The following RGS7 variants were observed in gnomAD, a reference collection of about 807,000 sequenced individuals.
RGS7 encodes the protein regulator of G protein signaling 7.
Under a neutral mutation model 81.1 loss-of-function variants are expected in RGS7, and 27 were observed. The observed-to-expected ratio is 0.33, with a 90% CI of 0.25 to 0.46. RGS7 has a LOEUF of 0.46. RGS7 is among the 20% of genes least tolerant of loss of function. The pLI is 1.00. For synonymous variants in RGS7, 208 were observed against 207.7 expected (o/e 1.00, Z -0.01); for missense variants, 396 against 607.4 (o/e 0.65, Z 3.66).
intron 2 of RGS7, among the ~76,000 whole-genome samples, chr1:241,205,053 T>C (rs539825177): frequency 6.6e-6 from 1 of 150,788 alleles, no homozygotes; most frequent in South Asian, 2.1e-4. Context: ...ATAGAATCCA[T>C]AGATCCCCTA....
At chr1:241,033,843 G>A (rs930942106) in intron 3 of RGS7, among the ~76,000 whole-genome samples, 11 of 152,030 alleles carry the variant, frequency 7.2e-5, no homozygotes, top group African/African-American at 2.7e-4. Context: ...AAAGAAGGGT[G>A]GGAGAAGTTT....
chr1:240,810,977 C>T (rs1360501228), intron 14 of RGS7, among the ~76,000 whole-genome samples: 1 of 152,192 alleles, frequency 6.6e-6, no homozygotes, highest in Admixed American at 6.5e-5. Flanking sequence ...GGTCATTTTG[C>T]TTCATCCATG....
intron 4 of RGS7, among the ~76,000 whole-genome samples, chr1:240,981,531 G>A (rs1320493373): frequency 3.3e-5 from 5 of 152,072 alleles, no homozygotes; most frequent in African/African-American, 1.2e-4. Flanking sequence ...TTTTAGCACT[G>A]GGATTATTTG....
At chr1:241,305,154 C>T (rs542098457) in intron 2 of RGS7, among the ~76,000 whole-genome samples, 78 of 152,248 alleles carry the variant, frequency 5.1e-4, no homozygotes, top group African/African-American at 1.7e-3. Flanking sequence ...GGCTAATTTC[C>T]GTTCCCAAGT....
At chr1:240,815,232 C>T (rs10926361) in intron 11 of RGS7, among the ~76,000 whole-genome samples, 71,183 of 151,570 alleles carry the variant, frequency 0.47, 18,341 homozygotes, top group Non-Finnish European at 0.58. Context: ...GTCCCAGCTA[C>T]TCTGGGGGCT....
rs74150234 is a variant in RGS7, at chr1:241,175,937, T to C, written c.79-77175A>G. The stretch of plus-strand genomic sequence containing the variant: ...AACATTTAAAGAGCAGTGATTCTTT[T>C]TGCAAGTAATTTACATGTAGCATCT... On this transcript the variant is annotated intron_variant, in intron 2 of 18. Coordinates refer to ENST00000440928, the MANE Select transcript of RGS7 (RefSeq NM_001364886.1). 7.8e-3 allele frequency among the ~76,000 whole-genome samples: 1,194 copies of C among 152,242 alleles called. 18 individuals are homozygous for C. The highest frequency in any genetic ancestry group is 0.027 in the African/African-American group (1,130 of 41,578).
chr1:240,995,708 C>T (rs896694630), intron 3 of RGS7, among the ~76,000 whole-genome samples: 62 of 139,764 alleles, frequency 4.4e-4, no homozygotes, highest in East Asian at 8.3e-4. Context: ...TGTGTCTTTT[C>T]TTTTTTTTTT....
At chr1:240,862,217 C>A (rs990614961) in intron 9 of RGS7, among the ~76,000 whole-genome samples, 1 of 152,010 alleles carries the variant, frequency 6.6e-6, no homozygotes, top group African/African-American at 2.4e-5. Flanking sequence ...ATATTAAGTA[C>A]TAGAATGATT....
chr1:241,061,515 A>T (rs1435384708), intron 3 of RGS7, among the ~76,000 whole-genome samples: 1 of 152,196 alleles, frequency 6.6e-6, no homozygotes, highest in Non-Finnish European at 1.5e-5. Context: ...GTTACACAAT[A>T]GTTTGGTCTC....
chr1:240,981,590 G>A (rs1321834446), intron 4 of RGS7, among the ~76,000 whole-genome samples: 2 of 152,172 alleles, frequency 1.3e-5, no homozygotes, highest in Non-Finnish European at 2.9e-5. Context: ...AAGTGAGGCT[G>A]AAATGTGAAC....
chr1:240,816,428 A>G lies in RGS7; in HGVS notation c.685-13T>C. 6.6e-7 allele frequency: 1 copy of G among 1,516,996 alleles called. No individual in the cohort carries two copies. Among genetic ancestry groups the G allele is most frequent in the Non-Finnish European group, 9.2e-7 (1 of 1,091,686 alleles). 94.0% of individuals were successfully genotyped at this position (1,516,996 alleles called of 1,614,324 possible). A position where few individuals can be genotyped will look rare whatever the true frequency, so the allele number is the denominator to read the frequency against. ...AACCATAGACAGACTATATTAAAAT[A>G]AAAAATAAACATTTTAGGACAAAAT... On this transcript the variant is annotated splice_polypyrimidine_tract_variant and intron_variant, in intron 10 of 18. Coordinates refer to ENST00000440928, the MANE Select transcript of RGS7 (RefSeq NM_001364886.1).
intron 2 of RGS7, among the ~76,000 whole-genome samples, chr1:241,313,145 C>T (rs974845468): frequency 1.3e-5 from 2 of 152,088 alleles, no homozygotes; most frequent in African/African-American, 4.8e-5. Flanking sequence ...AAGCCATCTC[C>T]GTAACATAAA....
intron 4 of RGS7, among the ~76,000 whole-genome samples, chr1:240,972,619 C>G (rs1400615894): frequency 7.1e-6 from 1 of 141,104 alleles, no homozygotes; most frequent in Non-Finnish European, 1.5e-5. Flanking sequence ...GTGGGTGCAG[C>G]GCACCAGCAT....
chr1:241,083,292 A>G (rs932545708), intron 3 of RGS7, among the ~76,000 whole-genome samples: 12 of 152,186 alleles, frequency 7.9e-5, no homozygotes, highest in African/African-American at 2.9e-4. Context: ...ACAAGACAAA[A>G]AAAAAGAAAA....
chr1:241,317,740 G>A (rs12750979), intron 2 of RGS7, among the ~76,000 whole-genome samples: 32,190 of 152,212 alleles, frequency 0.21, 3,677 homozygotes, highest in Non-Finnish European at 0.26. Context: ...ATCATTAGAT[G>A]TATCTTTTTG....
At position 240,878,436 on chromosome 1, in the gene RGS7, C is replaced by T. The variant is rs147996097; in HGVS notation, c.386-8317G>A. Among the ~76,000 whole-genome samples, 9 of 151,156 alleles carry T rather than the reference C, an allele frequency of 6.0e-5. No individual in the cohort carries two copies. In the East Asian group the frequency reaches 1.8e-3, roughly 29 times the overall value. On this transcript the variant is annotated intron_variant, in intron 6 of 18. Transcript: ENST00000440928. Reference sequence around the variant, plus strand: ...ATAGTTGGGGAGTGAAAACATTTGCCTAGTGTTCATTCGAGGTTTTGTGTT... The same window carrying T: ...ATAGTTGGGGAGTGAAAACATTTGCTTAGTGTTCATTCGAGGTTTTGTGTT...
At chr1:240,831,978 T>A (rs1693933798) in intron 9 of RGS7, among the ~76,000 whole-genome samples, 2 of 152,134 alleles carry the variant, frequency 1.3e-5, no homozygotes, top group South Asian at 4.1e-4. Context: ...TTGGTTCTCC[T>A]CAACATGGCA....
chr1:241,271,950 T>G lies in RGS7; in HGVS notation c.78+83749A>C, dbSNP rs2077927343. Among the ~76,000 whole-genome samples, 1 of 151,288 alleles carries G rather than the reference T, an allele frequency of 6.6e-6. No individual in the cohort carries two copies. The highest frequency in any genetic ancestry group is 2.1e-4 in the South Asian group (1 of 4,784). On this transcript the variant is annotated intron_variant, in intron 2 of 18. Coordinates refer to ENST00000440928, the MANE Select transcript of RGS7 (RefSeq NM_001364886.1). The surrounding 1 kb of genome is among the most constrained non-coding windows in gnomAD (Gnocchi z 4.6). ...GTGTGTGTAGACACACTATTGGTTC[T>G]GTTTCTCTGGAGAACCCTGACTACT...
intron 3 of RGS7, among the ~76,000 whole-genome samples, chr1:241,090,007 A>AT (rs2063773675): frequency 6.6e-6 from 1 of 151,718 alleles, no homozygotes; most frequent in Non-Finnish European, 1.5e-5. Context: ...AAAAAAAAAA[A>AT]AAAAAGAGAG....
Sources: gnomAD v4.1 joint callset for allele counts (sites outside exome capture counted in the v4.1 genomes callset) on GRCh38, gnomAD v4.1.1 for gene constraint, Gnocchi (gnomAD v3.1) non-coding constraint, MANE v1.5 for transcripts, NCBI Gene and HGNC (gene_info 2026-07-23, HGNC 2026-07-21) for gene names.